CSMD1: variants seen among roughly 807,000 people sequenced by gnomAD.
The protein encoded by CSMD1 is CUB and sushi domain-containing protein 1.
In CSMD1, 213 loss-of-function variants were observed where a neutral mutation model predicts 417.5. The ratio of observed to expected loss-of-function variants is 0.51; its 90% CI spans 0.46 to 0.57. The LOEUF is 0.57. CSMD1 is among the 20% of genes least tolerant of loss of function. CSMD1 has a pLI of 0.00. For missense variants in CSMD1, 6,923 were observed against 4,529.7 expected (o/e 1.53, Z -15.17); for synonymous variants, 2,862 against 1,736.8 (o/e 1.65, Z -16.11).
Position 3,755,301 on chromosome 8 carries a change from C to A in CSMD1, c.819-1259G>T, listed in dbSNP as rs553655062. On this transcript the variant is annotated intron_variant, in intron 5 of 69. Transcript: ENST00000635120. Reference sequence around the variant, plus strand: ...GAACCTCTGTTACCCATTGTATAAACTGGACACGAAAATACCTGTATCAAG... The same window carrying A: ...GAACCTCTGTTACCCATTGTATAAAATGGACACGAAAATACCTGTATCAAG... 3.3e-5 allele frequency among the ~76,000 whole-genome samples: 5 copies of A among 152,266 alleles called. No homozygotes were observed. The South Asian group carries it at 1.0e-3, about 32-fold the overall frequency.
intron 3 of CSMD1, among the ~76,000 whole-genome samples, chr8:4,071,647 A>G (rs1240194583): frequency 6.6e-6 from 1 of 152,078 alleles, no homozygotes; most frequent in Non-Finnish European, 1.5e-5. Context: ...TAGCTGAAAT[A>G]TGTGGAGTGA....
chr8:3,138,837 C>T (rs751210182), intron 41 of CSMD1, among the ~76,000 whole-genome samples: 20 of 152,176 alleles, frequency 1.3e-4, no homozygotes, highest in Non-Finnish European at 2.1e-4. Context: ...AGATGTTGAA[C>T]GATTTCCTGA....
At chr8:4,809,985 G>C (rs1038259932) in intron 1 of CSMD1, among the ~76,000 whole-genome samples, 26 of 152,172 alleles carry the variant, frequency 1.7e-4, no homozygotes, top group Admixed American at 1.0e-3. Context: ...TTACAGTATT[G>C]TCAGGAATAT....
chr8:4,305,058 C>G (rs1211489925), intron 3 of CSMD1, among the ~76,000 whole-genome samples: 1 of 152,162 alleles, frequency 6.6e-6, no homozygotes, highest in Non-Finnish European at 1.5e-5. Context: ...ACACAGGCAC[C>G]TATTCGTTTT....
At chr8:3,091,433 A>C in intron 48 of CSMD1, 83 bp downstream of exon 48, 5 of 1,033,060 alleles carry the variant, frequency 4.8e-6, no homozygotes, top group South Asian at 1.9e-5. Flanking sequence ...TTATACTATA[A>C]ATTTCTATTT....
intron 3 of CSMD1, among the ~76,000 whole-genome samples, chr8:4,155,460 G>C (rs915749822): frequency 2.0e-5 from 3 of 152,130 alleles, no homozygotes; most frequent in Non-Finnish European, 2.9e-5. Flanking sequence ...TGAAAATATG[G>C]TAAGTATGTG....
intron 11 of CSMD1, among the ~76,000 whole-genome samples, chr8:3,475,738 C>A (rs559474614): frequency 1.3e-5 from 2 of 152,280 alleles, no homozygotes; most frequent in East Asian, 3.9e-4. Context: ...GATTATTTCT[C>A]CAATTTCAAG....
At chr8:4,020,684 A>T (rs1329765526) in intron 4 of CSMD1, among the ~76,000 whole-genome samples, 2 of 152,166 alleles carry the variant, frequency 1.3e-5, no homozygotes. Flanking sequence ...AGCTGTTTTC[A>T]TTTTACTCCC....
intron 3 of CSMD1, among the ~76,000 whole-genome samples, chr8:4,058,670 C>T (rs752993058): frequency 1.8e-3 from 261 of 144,784 alleles, no homozygotes; most frequent in Non-Finnish European, 3.3e-3. Context: ...GACTTTAAAC[C>T]AACAAAGATC....
At chr8:3,264,682 A>G (rs566583201) in intron 26 of CSMD1, among the ~76,000 whole-genome samples, 1 of 152,170 alleles carries the variant, frequency 6.6e-6, no homozygotes, top group East Asian at 1.9e-4. Flanking sequence ...GGTCGTAAAA[A>G]GAGTATTGTG....
chr8:4,506,095 A>G (rs1802511399), intron 2 of CSMD1, among the ~76,000 whole-genome samples: 1 of 152,190 alleles, frequency 6.6e-6, no homozygotes, highest in Non-Finnish European at 1.5e-5. Context: ...AAAATTAATT[A>G]CCACAATAGT....
chr8:3,972,273 T>G (rs1813141920), intron 5 of CSMD1, among the ~76,000 whole-genome samples: 1 of 152,238 alleles, frequency 6.6e-6, no homozygotes, highest in African/African-American at 2.4e-5. Context: ...TTCATTTTTA[T>G]AAGTACTAGA....
At chr8:4,969,822 G>C (rs771756688) in intron 1 of CSMD1, among the ~76,000 whole-genome samples, 5 of 152,086 alleles carry the variant, frequency 3.3e-5, no homozygotes, top group Non-Finnish European at 7.4e-5. Flanking sequence ...GTTTTTCTCA[G>C]GCAGTAGTGA....
At chr8:4,435,222 G>T (rs57861419) in intron 2 of CSMD1, among the ~76,000 whole-genome samples, 2 of 151,958 alleles carry the variant, frequency 1.3e-5, no homozygotes, top group Admixed American at 6.6e-5. Context: ...TCTGATCTTT[G>T]GAAAATTAAA....
chr8:3,254,535 T>C (rs1048649852), intron 26 of CSMD1, among the ~76,000 whole-genome samples: 4 of 152,206 alleles, frequency 2.6e-5, no homozygotes, highest in African/African-American at 9.6e-5. Context: ...ATTTGGTCTT[T>C]TCACATAGTC....
At chr8:3,671,176 T>C (rs997807760) in intron 7 of CSMD1, among the ~76,000 whole-genome samples, 1 of 148,004 alleles carries the variant, frequency 6.8e-6, no homozygotes, top group Non-Finnish European at 1.5e-5. Context: ...GAGATATATA[T>C]GTATATGGTA....
intron 49 of CSMD1, among the ~76,000 whole-genome samples, chr8:3,068,159 G>A (rs1813072525): frequency 6.6e-6 from 1 of 151,992 alleles, no homozygotes. Flanking sequence ...ACTGTCTCAG[G>A]TAGTTTTCAC....
At chr8:3,775,043 C>G (rs1798824817) in intron 5 of CSMD1, among the ~76,000 whole-genome samples, 1 of 152,088 alleles carries the variant, frequency 6.6e-6, no homozygotes, top group African/African-American at 2.4e-5. Flanking sequence ...TCATGTTACT[C>G]AGAATAGCAT....
chr8:3,600,283 T>C (rs1455103734), intron 8 of CSMD1, among the ~76,000 whole-genome samples: 1 of 152,166 alleles, frequency 6.6e-6, no homozygotes, highest in Non-Finnish European at 1.5e-5. Context: ...CTCATAAAAT[T>C]TAGAATTTGG....
Sources: allele counts gnomAD v4.1 joint callset (sites outside exome capture counted in the v4.1 genomes callset), GRCh38; gene constraint gnomAD v4.1.1; transcripts MANE v1.5; gene names NCBI Gene and HGNC (gene_info 2026-07-23, HGNC 2026-07-21).